COG5: variants seen among roughly 807,000 people sequenced by gnomAD.
COG5 encodes the protein conserved oligomeric Golgi complex subunit 5.
In COG5, 86 loss-of-function variants were observed where a neutral mutation model predicts 110.4. That is an observed-to-expected ratio of 0.78 (90% CI 0.65 to 0.93). The LOEUF (loss-of-function observed/expected upper bound fraction) is 0.93. Among genes scored for constraint, COG5 ranks in the 40% least tolerant of loss-of-function variants. The probability of loss-of-function intolerance (pLI) is 0.00; values close to 1 mark genes in which losing one functional copy is unlikely to be tolerated. For missense variants in COG5, 1,077 were observed against 987.0 expected (o/e 1.09, Z -1.22); for synonymous variants, 360 against 334.6 (o/e 1.08, Z -0.83).
chr7:107,515,788 G>A (rs1799877037), intron 6 of COG5, among the ~76,000 whole-genome samples: 2 of 152,164 alleles, frequency 1.3e-5, no homozygotes, highest in African/African-American at 2.4e-5. Flanking sequence ...GCCCTCTTTA[G>A]AACAAGTCAG....
At chr7:107,441,742 G>C (rs1225107835) in intron 6 of COG5, among the ~76,000 whole-genome samples, 3 of 152,012 alleles carry the variant, frequency 2.0e-5, no homozygotes, top group African/African-American at 4.8e-5. Flanking sequence ...ATCTCTTCTG[G>C]CATTTACTTA....
chr7:107,463,936 C>T lies in COG5; in HGVS notation c.539-51304G>A, dbSNP rs1344625942. On this transcript the variant is annotated intron_variant, in intron 6 of 21. Coordinates refer to ENST00000297135, the MANE Select transcript of COG5 (RefSeq NM_006348.5). ...GCAGTCCTCAGTGCCTTCAGCCTAC[C>T]TTGACACCTACTGTGCTTTTTTCCC... is the stretch of plus-strand genomic sequence containing the variant. Among the ~76,000 whole-genome samples the T allele has an allele frequency of 3.3e-5, 5 of 152,122 alleles. 1 individual carries two copies. Among genetic ancestry groups the T allele is most frequent in the South Asian group, 4.1e-4 (2 of 4,834 alleles).
chr7:107,416,811 T>C (rs903570220), intron 6 of COG5, among the ~76,000 whole-genome samples: 3 of 152,222 alleles, frequency 2.0e-5, no homozygotes, highest in Admixed American at 6.5e-5. Context: ...AAGCAGAATA[T>C]ATTACCTCAG....
At chr7:107,247,492 G>T (rs1454800985) in intron 17 of COG5, among the ~76,000 whole-genome samples, 1 of 152,128 alleles carries the variant, frequency 6.6e-6, no homozygotes, top group Non-Finnish European at 1.5e-5. Flanking sequence ...TCATAAAACA[G>T]ATATTCTTTA....
chr7:107,469,202 G>T (rs555442492), intron 6 of COG5, among the ~76,000 whole-genome samples: 153 of 151,398 alleles, frequency 1.0e-3, no homozygotes, highest in Non-Finnish European at 1.7e-3. Flanking sequence ...CAATATTAGC[G>T]TGTAGCTACA....
At chr7:107,401,882 CT>C (rs1168692034) in intron 7 of COG5, among the ~76,000 whole-genome samples, 1 of 152,172 alleles carries the variant, frequency 6.6e-6, no homozygotes, top group Admixed American at 6.5e-5. Flanking sequence ...CTATCGCAAA[CT>C]ACAAAAGGAA....
intron 7 of COG5, among the ~76,000 whole-genome samples, chr7:107,395,613 G>GCAACTGTACTTACT (rs1790941616): frequency 7.3e-6 from 1 of 137,284 alleles, no homozygotes; most frequent in Non-Finnish European, 1.5e-5. Context: ...GGAGTACAGT[G>GCAACTGTACTTACT]GCAAGACCTC....
At chr7:107,439,763 T>C (rs1206311634) in intron 6 of COG5, among the ~76,000 whole-genome samples, 1 of 152,204 alleles carries the variant, frequency 6.6e-6, no homozygotes, top group Non-Finnish European at 1.5e-5. Context: ...TTGCAGGGTC[T>C]GAGAGACTGG....
chr7:107,324,614 T>G, intron 10 of COG5, 93 bp from the exon 11 acceptor site: 1 of 661,836 alleles, frequency 1.5e-6, no homozygotes, highest in Non-Finnish European at 2.6e-6. Context: ...AAAAGTTATT[T>G]AAAATTTAAA....
chr7:107,292,054 T>C (rs1372740458), intron 12 of COG5, among the ~76,000 whole-genome samples: 1 of 152,132 alleles, frequency 6.6e-6, no homozygotes, highest in African/African-American at 2.4e-5. Context: ...TTTCCTTCTT[T>C]TAGAAAGGGT....
intron 14 of COG5, among the ~76,000 whole-genome samples, chr7:107,265,507 C>T (rs1803726505): frequency 6.6e-6 from 1 of 152,128 alleles, no homozygotes; most frequent in Non-Finnish European, 1.5e-5. Context: ...AACTCTTGGG[C>T]TCAAGAAGTC....
chr7:107,563,657 C>G, intron 1 of COG5, 146 bp downstream of exon 1: 1 of 887,994 alleles, frequency 1.1e-6, no homozygotes, highest in Non-Finnish European at 1.9e-6. Context: ...GAACAGTACC[C>G]AAGCCAGGGG....
At chr7:107,244,610 C>T (rs532410419) in intron 17 of COG5, among the ~76,000 whole-genome samples, 17 of 151,712 alleles carry the variant, frequency 1.1e-4, no homozygotes, top group Non-Finnish European at 2.2e-4. Context: ...CAAATAAACA[C>T]AATTAGACAT....
chr7:107,283,986 G>A (rs1048206905), intron 12 of COG5, among the ~76,000 whole-genome samples: 3 of 146,704 alleles, frequency 2.0e-5, no homozygotes, highest in African/African-American at 4.9e-5. Context: ...GTGCAACGGC[G>A]CAATCTTGGC....
chr7:107,330,376 T>C (rs1810136068), intron 10 of COG5, among the ~76,000 whole-genome samples: 1 of 152,230 alleles, frequency 6.6e-6, no homozygotes, highest in Admixed American at 6.5e-5. Flanking sequence ...TGTCAGAACT[T>C]TTTAAAGATA....
intron 14 of COG5, among the ~76,000 whole-genome samples, chr7:107,263,268 C>A (rs1239885473): frequency 6.6e-6 from 1 of 152,196 alleles, no homozygotes; most frequent in Admixed American, 6.5e-5. Flanking sequence ...ATCACTAATT[C>A]ATCTACATGT....
At chr7:107,217,072 T>C (rs1289073215) in intron 19 of COG5, among the ~76,000 whole-genome samples, 2 of 152,040 alleles carry the variant, frequency 1.3e-5, no homozygotes, top group Non-Finnish European at 2.9e-5. Flanking sequence ...CAAAGGATAA[T>C]GAGCGATTAC....
At chr7:107,451,070 TA>T (rs1795302546) in intron 6 of COG5, among the ~76,000 whole-genome samples, 1 of 152,118 alleles carries the variant, frequency 6.6e-6, no homozygotes, top group Admixed American at 6.5e-5. Flanking sequence ...GAACATAATT[TA>T]AGTCTGGAAG....
chr7:107,236,097 T>C (rs1216491220), intron 18 of COG5, among the ~76,000 whole-genome samples: 1 of 152,226 alleles, frequency 6.6e-6, no homozygotes, highest in African/African-American at 2.4e-5. Flanking sequence ...TATGATTTCA[T>C]TGCCTACATT....
Sources: gnomAD v4.1 joint callset for allele counts (sites outside exome capture counted in the v4.1 genomes callset) on GRCh38, gnomAD v4.1.1 for gene constraint, MANE v1.5 for transcripts, NCBI Gene and HGNC (gene_info 2026-07-23, HGNC 2026-07-21) for gene names.